The following CDH16 variants were observed in gnomAD, a reference collection of about 807,000 sequenced individuals.
CDH16 encodes cadherin-16.
Under a neutral mutation model 87.6 loss-of-function variants are expected in CDH16, and 79 were observed. That is an observed-to-expected ratio of 0.90 (90% CI 0.75 to 1.09). The LOEUF (loss-of-function observed/expected upper bound fraction) is 1.09, where lower values mean the gene tolerates loss of function less well. CDH16 is among the 50% of genes least tolerant of loss of function. The pLI, the probability that CDH16 is intolerant of heterozygous loss-of-function variation, is 0.00. For synonymous variants in CDH16, 457 were observed against 439.5 expected (o/e 1.04, Z -0.50); for missense variants, 1,124 against 1,071.7 (o/e 1.05, Z -0.68).
In CDH16 at chr16:66,916,093, T is replaced by G. The variant is rs1962668079; in HGVS notation, c.396A>C (p.Arg132Ser). The G allele has an allele frequency of 2.5e-6, 4 of 1,614,192 alleles. No homozygotes were observed. In the East Asian group the frequency reaches 8.9e-5, roughly 36 times the overall value. The change falls in exon 5 of 18, where the codon AGA becomes AGC. Residue 132 changes from arginine to serine, a missense_variant. Physicochemically the swap from Arg to Ser is moderately radical, Grantham distance 110 (BLOSUM62 -1). Coordinates refer to ENST00000299752, the MANE Select transcript of CDH16 (RefSeq NM_004062.4). The surrounding 1 kb of genome is among the most constrained non-coding windows in gnomAD (Gnocchi z 4.1). ...QVPHFSQAIY[R>S]ARLSRGTRPG... ...GCCTGGTACCCCGGCTCAGCCGAGC[T>G]CTGTAGATGGCTTGAGAGAAATGGG...
chr16:66,915,968 C>A (rs1596984800), intron 5 of CDH16, 97 bp downstream of exon 5: 5 of 1,361,540 alleles, frequency 3.7e-6, no homozygotes, highest in Non-Finnish European at 5.2e-6. Flanking sequence ...AAATGGCTGC[C>A]CTGTCCTATG....
intron 6 of CDH16, 87 bp from the exon 7 acceptor site, chr16:66,914,499 C>G: frequency 1.1e-6 from 1 of 944,134 alleles, no homozygotes; most frequent in Non-Finnish European, 1.6e-6. Flanking sequence ...GACACAAAAC[C>G]AAGCATACAG....
rs370631083 is a variant in CDH16 at position 66,916,080 on chromosome 16, G to A, written c.409C>T (p.Arg137Trp). ...GGTCACTCACCAGGCCTGGTACCCC[G>A]GCTCAGCCGAGCTCTGTAGATGGCT... ...SQAIYRARLS[R>W]GTRPGIPFLF... Residue 137 changes from arginine (R) to tryptophan (W), a missense_variant, in exon 5 of 18, where the codon CGG (arginine) becomes TGG (tryptophan). By Grantham distance (101) the Arg-to-Trp change is moderately radical. Transcript: ENST00000299752. The surrounding 1 kb of genome is among the most constrained non-coding windows in gnomAD (Gnocchi z 4.1). 1.5e-4 allele frequency: 235 copies of A among 1,614,034 alleles called. No individual in the cohort carries two copies. The highest frequency in any genetic ancestry group is 1.9e-4 in the Non-Finnish European group (222 of 1,180,038).
In CDH16 at chr16:66,916,455, G is replaced by A. The variant is rs1295867621; in HGVS notation, c.130-26C>T. On this transcript the variant is annotated intron_variant, in intron 3 of 17. Transcript: ENST00000299752. This position sits in a 1 kb window ranked among gnomAD's most constrained non-coding sequence, Gnocchi z 4.1. ...CTGATGGAAATGAACAGAAGTGAAGGGAGCGGTGGCCAGGCCTGGGAGATG... is the reference window on the plus strand; with the variant it reads ...CTGATGGAAATGAACAGAAGTGAAGAGAGCGGTGGCCAGGCCTGGGAGATG... 8 of 1,557,386 alleles carry A rather than the reference G, an allele frequency of 5.1e-6. No homozygotes were observed. Among genetic ancestry groups the A allele is most frequent in the Middle Eastern group, 1.9e-4 (1 of 5,258 alleles).
chr16:66,911,335 G>A lies in CDH16; in HGVS notation c.1791-20C>T, dbSNP rs1348333623. 1 of 1,611,866 alleles carries A rather than the reference G, an allele frequency of 6.2e-7. No homozygotes were observed. Among genetic ancestry groups the A allele is most frequent in the Admixed American group, 1.7e-5 (1 of 59,808 alleles). On this transcript the variant is annotated intron_variant, in intron 13 of 17. Coordinates refer to ENST00000299752, the MANE Select transcript of CDH16 (RefSeq NM_004062.4). ...GAGAACCTGCCGCCCAAAGAAGGAG[G>A]TGAGGAGGTACTGGGACTACATATA...
At position 66,910,333 on chromosome 16, in the gene CDH16, C is replaced by T. The variant is rs758011449; in HGVS notation, c.2094G>A (p.Gly698=). 2.5e-5 allele frequency: 40 copies of T among 1,613,588 alleles called. No homozygotes were observed. The highest frequency in any genetic ancestry group is 6.7e-5 in the Admixed American group (4 of 59,926). Reference sequence around the variant, plus strand: ...CAAGGGTGAAGCTGTAGGGACCGTGCCCACTGGCCAGATCGGGGTCCTTGC... The same window carrying T: ...CAAGGGTGAAGCTGTAGGGACCGTGTCCACTGGCCAGATCGGGGTCCTTGC... ...GPSKDPDLAS[G]HGPYSFTLGP... Residue 698 remains glycine, a synonymous_variant, in exon 15 of 18, where the codon GGG becomes GGA. Transcript: ENST00000299752.
chr16:66,908,150 C>A lies in CDH16; in HGVS notation c.*242G>T, dbSNP rs1468049025. ...CAATCCCATAGGGCCCAGCCCAGTT[C>A]TCTGGGGCTTTATTATTGGGCAAAC... On this transcript the variant is annotated 3_prime_UTR_variant, in exon 18 of 18. Coordinates refer to ENST00000299752, the MANE Select transcript of CDH16 (RefSeq NM_004062.4). The A allele has an allele frequency of 1.1e-5, 6 of 556,538 alleles. No individual in the cohort carries two copies. The highest frequency in any genetic ancestry group is 1.6e-5 in the Non-Finnish European group (5 of 310,222). The allele number at this position is 556,538 out of a possible 1,614,324, so 34.5% of individuals were successfully genotyped here. A position where few individuals can be genotyped will look rare whatever the true frequency, so the allele number is the denominator to read the frequency against.
At chr16:66,917,821 C>T (rs1962754329) in intron 2 of CDH16, 96 bp from the exon 3 acceptor site, 2 of 1,143,046 alleles carry the variant, frequency 1.7e-6, no homozygotes, top group African/African-American at 3.1e-5. Flanking sequence ...TTCCCAGGGC[C>T]TGGCTGTACC....
Position 66,913,532 on chromosome 16 carries a change from G to A in CDH16, c.862C>T (p.Leu288Phe), listed in dbSNP as rs745848081. 2 of 1,613,970 alleles carry A rather than the reference G, an allele frequency of 1.2e-6. No individual in the cohort carries two copies. Among genetic ancestry groups the A allele is most frequent in the Non-Finnish European group, 1.7e-6 (2 of 1,179,972 alleles). The change falls in exon 8 of 18, where the codon CTC becomes TTC. Residue 288 changes from leucine to phenylalanine, a missense_variant. By Grantham distance (22) the Leu-to-Phe change is conservative. Coordinates refer to ENST00000299752, the MANE Select transcript of CDH16 (RefSeq NM_004062.4). ...GPFEVNAEGN[L>F]YVTRELDREA... ...CTGTCCAGCTCTCTGGTCACGTAGA[G>A]GTTTCCCTCTGCATTCACTTCAAAG...
chr16:66,917,749 C>T, intron 2 of CDH16, 24 bp from the exon 3 acceptor site: 2 of 1,586,874 alleles, frequency 1.3e-6, no homozygotes, highest in Non-Finnish European at 1.7e-6. Context: ...CTCACCTTGT[C>T]ACCAGGCTCT....
Position 66,909,138 on chromosome 16 carries a change from G to T in CDH16, c.2392+129C>A. On this transcript the variant is annotated intron_variant, in intron 17 of 17. Transcript: ENST00000299752. This position sits in a 1 kb window ranked among gnomAD's most constrained non-coding sequence, Gnocchi z 4.1. Reference sequence around the variant, plus strand: ...TATGATCAAAGGGCAGGCGCATAATGACTAGGAGAGTTGGGGGCTTCCTTT... The same window carrying T: ...TATGATCAAAGGGCAGGCGCATAATTACTAGGAGAGTTGGGGGCTTCCTTT... The T allele has an allele frequency of 1.4e-6, 1 of 705,938 alleles. No individual in the cohort carries two copies. Among genetic ancestry groups the T allele is most frequent in the East Asian group, 2.7e-5 (1 of 37,298 alleles). The allele number at this position is 705,938 out of a possible 1,614,324, so 43.7% of individuals were successfully genotyped here.
chr16:66,914,120 T>G, intron 7 of CDH16, 96 bp downstream of exon 7: 1 of 1,053,644 alleles, frequency 9.5e-7, no homozygotes, highest in Non-Finnish European at 1.4e-6. Flanking sequence ...GCACGGGTCA[T>G]GAGGGTTCCA....
chr16:66,917,768 G>A lies in CDH16; in HGVS notation c.46-43C>T, dbSNP rs1219444028. 2.0e-6 allele frequency: 3 copies of A among 1,519,440 alleles called. No individual in the cohort carries two copies. In the South Asian group the frequency reaches 3.5e-5, roughly 18 times the overall value. The allele number at this position is 1,519,440 out of a possible 1,614,324, so 94.1% of individuals were successfully genotyped here. On this transcript the variant is annotated intron_variant, in intron 2 of 17. Coordinates refer to ENST00000299752, the MANE Select transcript of CDH16 (RefSeq NM_004062.4). ...CCTTGTCACCAGGCTCTATCTTCCT[G>A]CGTGGGCACTGAGACCCAACAGAAG...
At chr16:66,914,465 G>C (rs888540448) in intron 6 of CDH16, 53 bp from the exon 7 acceptor site, 2 of 1,362,764 alleles carry the variant, frequency 1.5e-6, no homozygotes, top group African/African-American at 2.9e-5. Flanking sequence ...CAGGGGCCAG[G>C]GCATCATTCT....
At position 66,908,193 on chromosome 16, in the gene CDH16, A is replaced by T. The variant is rs557000775; in HGVS notation, c.*199T>A. The T allele has an allele frequency of 3.7e-4, 216 of 579,530 alleles. 2 individuals carry two copies. The South Asian group carries it at 4.5e-3, about 12-fold the overall frequency. The allele number at this position is 579,530 out of a possible 1,614,324, so 35.9% of individuals were successfully genotyped here. A position where few individuals can be genotyped will look rare whatever the true frequency, so the allele number is the denominator to read the frequency against. On this transcript the variant is annotated 3_prime_UTR_variant, in exon 18 of 18. Coordinates refer to ENST00000299752, the MANE Select transcript of CDH16 (RefSeq NM_004062.4). ...GGGCAAACACCCTGACATTTGGAGC[A>T]CTCCCATGGGCAGTCCATAAAGTTG...
Position 66,909,933 on chromosome 16 carries a change from G to T in CDH16, c.2275+53C>A. 1.5e-6 allele frequency: 2 copies of T among 1,334,274 alleles called. No homozygotes were observed. Among genetic ancestry groups the T allele is most frequent in the African/African-American group, 1.4e-5 (1 of 68,998 alleles). The allele number at this position is 1,334,274 out of a possible 1,614,324, so 82.7% of individuals were successfully genotyped here. A position where few individuals can be genotyped will look rare whatever the true frequency, so the allele number is the denominator to read the frequency against. ...GCATGTGTACCAGCTCCCTCCCCTTGCATCCCAGCGGTTCCCTCAGGAACT... is the reference window on the plus strand; with the variant it reads ...GCATGTGTACCAGCTCCCTCCCCTTTCATCCCAGCGGTTCCCTCAGGAACT... On this transcript the variant is annotated intron_variant, in intron 16 of 17. Transcript: ENST00000299752. The surrounding 1 kb of genome is among the most constrained non-coding windows in gnomAD (Gnocchi z 4.1).
At position 66,910,276 on chromosome 16, in the gene CDH16, G is replaced by A. The variant is rs1302067560; in HGVS notation, c.2151C>T (p.Arg717=). The A allele has an allele frequency of 1.2e-6, 2 of 1,604,180 alleles. No individual in the cohort carries two copies. Among genetic ancestry groups the A allele is most frequent in the Non-Finnish European group, 8.5e-7 (1 of 1,174,564 alleles). ...ACCACACACCATTGAGAGTCTGGAG[G>A]CGCCAATCCCGTTGCACCGTGGGGT... ...GPNPTVQRDW[R]LQTLNGSHAY... The change falls in exon 15 of 18, where the codon CGC becomes CGT. Residue 717 remains arginine (R), a synonymous_variant. Transcript: ENST00000299752.
chr16:66,917,599 G>A lies in CDH16; in HGVS notation c.129+43C>T, dbSNP rs766348366. The stretch of plus-strand genomic sequence containing the variant: ...AGAGGAAGGAGAAGCAGGACTTTGC[G>A]GGGAGGGATCCCCCCGGCCCCAACC... On this transcript the variant is annotated intron_variant, in intron 3 of 17. Coordinates refer to ENST00000299752, the MANE Select transcript of CDH16 (RefSeq NM_004062.4). 1.1e-4 allele frequency: 158 copies of A among 1,414,528 alleles called. No homozygotes were observed. The South Asian group carries it at 1.1e-3, about 10-fold the overall frequency. 87.6% of individuals were successfully genotyped at this position (1,414,528 alleles called of 1,614,324 possible). A position where few individuals can be genotyped will look rare whatever the true frequency, so the allele number is the denominator to read the frequency against.
At position 66,910,371 on chromosome 16, in the gene CDH16, C is replaced by T. The variant is rs774572540; in HGVS notation, c.2056G>A (p.Val686Met). ...TCGGGGTCCTTGCTGGGTCCACTCA[C>T]GATCAAGCCATGGTCTTGGCGGGGT... ...CTPRQDHGLI[V>M]SGPSKDPDLA... is the part of the protein sequence containing the mutation. The change falls in exon 15 of 18, where the codon GTG becomes ATG. Residue 686 changes from valine (V) to methionine (M), a missense_variant. Coordinates refer to ENST00000299752, the MANE Select transcript of CDH16 (RefSeq NM_004062.4). 27 of 1,613,632 alleles carry T rather than the reference C, an allele frequency of 1.7e-5. No individual in the cohort carries two copies. The Admixed American group carries it at 1.8e-4, about 11-fold the overall frequency.
Sources: gnomAD v4.1 joint callset for allele counts on GRCh38, gnomAD v4.1.1 for gene constraint, Gnocchi (gnomAD v3.1) non-coding constraint, MANE v1.5 for transcripts, NCBI Gene and HGNC (gene_info 2026-07-23, HGNC 2026-07-21) for gene names.